The following NFIB variants were observed in gnomAD, a reference collection of about 807,000 sequenced individuals.
NFIB encodes nuclear factor 1 B-type.
A neutral mutation model predicts 61.5 loss-of-function variants in NFIB; 11 were observed. The observed-to-expected ratio is 0.18, with a 90% CI of 0.11 to 0.30. The LOEUF is 0.30. NFIB is among the 10% of genes least tolerant of loss of function. The probability of loss-of-function intolerance (pLI) is 1.00; values close to 1 mark genes in which losing one functional copy is unlikely to be tolerated. For missense variants in NFIB, 471 were observed against 608.9 expected, an observed-to-expected ratio of 0.77 and a Z score of 2.38; for synonymous variants, 260 against 216.5, an observed-to-expected ratio of 1.20 and a Z score of -1.76.
chr9:14,301,373 C>T (rs2382465), intron 2 of NFIB, among the ~76,000 whole-genome samples: 150,998 of 152,322 alleles, frequency 0.99, 74,855 homozygotes, highest in Middle Eastern at 1. Context: ...TGCACTAAAT[C>T]TGTAAATCCA....
intron 2 of NFIB, among the ~76,000 whole-genome samples, chr9:14,194,925 G>A (rs2048318107): frequency 6.6e-6 from 1 of 152,004 alleles, no homozygotes; most frequent in South Asian, 2.1e-4. Flanking sequence ...TATTGGAGGT[G>A]CACTCTACCA....
intron 9 of NFIB, 39 bp from the exon 10 acceptor site, chr9:14,113,120 A>T (rs923743255): frequency 2.6e-6 from 4 of 1,534,324 alleles, no homozygotes; most frequent in Middle Eastern, 1.7e-4. Context: ...AAAAATTGTG[A>T]ACTATCAGAA....
At chr9:14,457,488 C>T in the NFIB span, among the ~76,000 whole-genome samples, 1 of 151,458 alleles carries the variant, frequency 6.6e-6, no homozygotes, top group African/African-American at 2.4e-5. Flanking sequence ...CAAAAGCTAG[C>T]AGAAGGCAAG....
intron 1 of NFIB, among the ~76,000 whole-genome samples, chr9:14,312,500 C>T (rs1262433029): frequency 6.6e-6 from 1 of 152,182 alleles, no homozygotes; most frequent in Non-Finnish European, 1.5e-5. Flanking sequence ...AATAACAGTT[C>T]TGGGCTAAGA....
rs59809696 is a variant in NFIB, at chr9:14,397,196, G to T, written c.108+1328C>A. 7.4e-3 allele frequency among the ~76,000 whole-genome samples: 1,121 copies of T among 152,264 alleles called. 23 individuals carry two copies. The highest frequency in any genetic ancestry group is 0.025 in the African/African-American group (1,032 of 41,552). Reference sequence around the variant, plus strand: ...GGAACAAATGAGAAAAAGCAAAACTGAACCTTAACAAAATTGCTGTTGTCA... The same window carrying T: ...GGAACAAATGAGAAAAAGCAAAACTTAACCTTAACAAAATTGCTGTTGTCA... On this transcript the variant is annotated intron_variant, in intron 1 of 8. Coordinates refer to the NFIB transcript ENST00000380934.
the NFIB span, among the ~76,000 whole-genome samples, chr9:14,430,839 C>T: frequency 6.6e-6 from 1 of 152,120 alleles, no homozygotes; most frequent in Non-Finnish European, 1.5e-5. Flanking sequence ...ACCTCGGCCT[C>T]CCAAAGTGCT....
At chr9:14,229,290 A>G (rs2052825402) in intron 2 of NFIB, among the ~76,000 whole-genome samples, 1 of 152,184 alleles carries the variant, frequency 6.6e-6, no homozygotes, top group Non-Finnish European at 1.5e-5. Flanking sequence ...GCCCAATTCA[A>G]TCCTGAATGC....
At chr9:14,284,286 A>G (rs1056891373) in intron 2 of NFIB, among the ~76,000 whole-genome samples, 2 of 152,186 alleles carry the variant, frequency 1.3e-5, no homozygotes, top group African/African-American at 4.8e-5. Context: ...CATAATTATA[A>G]AACAGTAATA....
the NFIB span, among the ~76,000 whole-genome samples, chr9:14,429,925 T>C: frequency 6.6e-6 from 1 of 152,244 alleles, no homozygotes; most frequent in Non-Finnish European, 1.5e-5. Context: ...GGTTTTTAAA[T>C]AAGAGAGTAT....
At chr9:14,356,451 T>C (rs1246900869) in intron 1 of NFIB, among the ~76,000 whole-genome samples, 1 of 152,154 alleles carries the variant, frequency 6.6e-6, no homozygotes, top group Non-Finnish European at 1.5e-5. Flanking sequence ...TAGCCCTGCA[T>C]GTGGCTGATG....
intron 2 of NFIB, among the ~76,000 whole-genome samples, chr9:14,268,120 CA>C (rs60610470): frequency 0.81 from 109,453 of 134,688 alleles, 44,392 homozygotes; most frequent in Middle Eastern, 0.92. Flanking sequence ...GATTCCATCT[CA>C]AAAAAAAAAA....
chr9:14,400,039 A>AT (rs1006367205), upstream of NFIB, among the ~76,000 whole-genome samples: 5 of 151,888 alleles, frequency 3.3e-5, no homozygotes, highest in African/African-American at 1.2e-4. Context: ...AAAAACACAC[A>AT]TTTTTCTTCA....
At chr9:14,485,339 G>T in the NFIB span, among the ~76,000 whole-genome samples, 1 of 147,266 alleles carries the variant, frequency 6.8e-6, no homozygotes, top group East Asian at 2.0e-4. Context: ...GCAGATAAAG[G>T]TCAATTTACC....
chr9:14,341,274 A>C (rs770984178), intron 1 of NFIB, among the ~76,000 whole-genome samples: 1 of 152,168 alleles, frequency 6.6e-6, no homozygotes, highest in African/African-American at 2.4e-5. Context: ...TTGGTTGTGC[A>C]GGTTGTGGAC....
intron 2 of NFIB, among the ~76,000 whole-genome samples, chr9:14,250,159 G>C (rs2055425833): frequency 6.6e-6 from 1 of 152,200 alleles, no homozygotes; most frequent in Non-Finnish European, 1.5e-5. Context: ...ACAGGGAGGA[G>C]GGTCTTTTGA....
At chr9:14,408,987 G>C in the NFIB span, among the ~76,000 whole-genome samples, 13 of 152,286 alleles carry the variant, frequency 8.5e-5, no homozygotes, top group South Asian at 8.3e-4. Context: ...AACCCAGCCA[G>C]TCTGGTTTAA....
the NFIB span, among the ~76,000 whole-genome samples, chr9:14,494,370 T>C: frequency 6.6e-6 from 1 of 152,226 alleles, no homozygotes; most frequent in Non-Finnish European, 1.5e-5. Context: ...TTTCCCCTTT[T>C]GGTTCTCTAT....
At chr9:14,104,927 G>T (rs992188876) in intron 10 of NFIB, among the ~76,000 whole-genome samples, 3 of 152,082 alleles carry the variant, frequency 2.0e-5, no homozygotes, top group Non-Finnish European at 2.9e-5. Context: ...TTAGGTTGGA[G>T]AAGTTTTCAG....
the NFIB span, among the ~76,000 whole-genome samples, chr9:14,494,762 C>T: frequency 8.5e-5 from 13 of 152,176 alleles, no homozygotes; most frequent in African/African-American, 3.1e-4. Flanking sequence ...AACAGGCACT[C>T]CCCTTGCTTC....
Sources: allele counts gnomAD v4.1 joint callset (sites outside exome capture counted in the v4.1 genomes callset), GRCh38; gene constraint gnomAD v4.1.1; transcripts MANE v1.5; gene names NCBI Gene and HGNC (gene_info 2026-07-23, HGNC 2026-07-21).